Variants in EVA1C observed in about 807,000 individuals in gnomAD.
EVA1C encodes the protein eva-1 homolog C.
EVA1C carries 25 observed loss-of-function variants against 45.4 expected under a neutral mutation model. That is an observed-to-expected ratio of 0.55 (90% CI 0.40 to 0.77). EVA1C has a LOEUF of 0.77. Ranked by LOEUF, EVA1C falls within the 30% of genes least tolerant of loss-of-function variation. The probability of loss-of-function intolerance (pLI) is 0.00; values close to 1 mark genes in which losing one functional copy is unlikely to be tolerated. For missense variants in EVA1C, 479 were observed against 554.8 expected (o/e 0.86, Z 1.37); for synonymous variants, 190 against 221.2 (o/e 0.86, Z 1.25).
At chr21:32,463,888 A>C (rs192363067) in intron 3 of EVA1C, among the ~76,000 whole-genome samples, 2 of 152,026 alleles carry the variant, frequency 1.3e-5, no homozygotes, top group Non-Finnish European at 2.9e-5. Flanking sequence ...CAGCTCTGCC[A>C]TGGGAAGGCA....
chr21:32,479,683 G>T (rs2146345520), intron 4 of EVA1C, among the ~76,000 whole-genome samples: 2 of 152,164 alleles, frequency 1.3e-5, no homozygotes, highest in South Asian at 4.2e-4. Context: ...CAGTGCAGTG[G>T]TTCTTTCCTG....
intron 1 of EVA1C, among the ~76,000 whole-genome samples, chr21:32,415,446 A>C (rs1177299887): frequency 6.6e-6 from 1 of 152,176 alleles, no homozygotes; most frequent in Non-Finnish European, 1.5e-5. Flanking sequence ...TTGTCTGTAC[A>C]ATATAGGCCC....
rs181528846 is a variant in EVA1C, at chr21:32,476,408, G to A, written c.634+8560G>A. ...TGGAATCCCAGCACTTTGGGAGGCC[G>A]AGGCAGGTGGATCGCCTGAGGTCGG... On this transcript the variant is annotated intron_variant, in intron 4 of 7. Coordinates refer to ENST00000300255, the MANE Select transcript of EVA1C (RefSeq NM_058187.5). 9.9e-3 allele frequency among the ~76,000 whole-genome samples: 1,511 copies of A among 152,212 alleles called. 27 individuals carry two copies. Among genetic ancestry groups the A allele is most frequent in the African/African-American group, 0.035 (1,444 of 41,542 alleles).
Position 32,472,549 on chromosome 21 carries a change from T to G in EVA1C, c.634+4701T>G, listed in dbSNP as rs1396293948. Among the ~76,000 whole-genome samples, 3 of 151,792 alleles carry G rather than the reference T, an allele frequency of 2.0e-5. No homozygotes were observed. The East Asian group carries it at 5.8e-4, about 29-fold the overall frequency. ...TACTCTGGAGGTTGAGATGGGAAGA[T>G]CCCTTGAGGCCTGGAGTTTGAGGTT... On this transcript the variant is annotated intron_variant, in intron 4 of 7. Coordinates refer to ENST00000300255, the MANE Select transcript of EVA1C (RefSeq NM_058187.5).
intron 7 of EVA1C, among the ~76,000 whole-genome samples, chr21:32,506,942 G>A (rs2037743378): frequency 1.3e-5 from 2 of 152,186 alleles, no homozygotes; most frequent in South Asian, 4.1e-4. Flanking sequence ...GTGTGAGCAG[G>A]GCAGTTTCCA....
At chr21:32,511,480 C>A (rs1218161544) in intron 7 of EVA1C, among the ~76,000 whole-genome samples, 1 of 149,412 alleles carries the variant, frequency 6.7e-6, no homozygotes, top group Non-Finnish European at 1.5e-5. Context: ...ATATACACAT[C>A]CTTTATATGT....
chr21:32,475,341 A>G (rs2036514681), intron 4 of EVA1C, among the ~76,000 whole-genome samples: 1 of 94,982 alleles, frequency 1.1e-5, no homozygotes, highest in Non-Finnish European at 2.0e-5. Context: ...CTTCTAAAAT[A>G]TCATCATCAT....
chr21:32,507,624 G>A (rs117444832), intron 7 of EVA1C, among the ~76,000 whole-genome samples: 2,260 of 151,752 alleles, frequency 0.015, 23 homozygotes, highest in Middle Eastern at 0.031. Context: ...GTGTACATGC[G>A]TATCTGTGTG....
chr21:32,475,682 T>A (rs369422009), intron 4 of EVA1C, among the ~76,000 whole-genome samples: 96 of 152,250 alleles, frequency 6.3e-4, no homozygotes, highest in South Asian at 1.2e-3. Context: ...ACGTAACTGT[T>A]CCCTGGTGGC....
chr21:32,445,986 G>T (rs2035350548), intron 1 of EVA1C, among the ~76,000 whole-genome samples: 1 of 152,164 alleles, frequency 6.6e-6, no homozygotes, highest in Non-Finnish European at 1.5e-5. Context: ...GCTTACACCT[G>T]TAATCCCAGC....
chr21:32,417,317 G>A (rs1343216787), intron 1 of EVA1C, among the ~76,000 whole-genome samples: 1 of 152,242 alleles, frequency 6.6e-6, no homozygotes, highest in Non-Finnish European at 1.5e-5. Context: ...TCTTGGCAGA[G>A]TTGATTTCTT....
chr21:32,506,510 T>C (rs1469155724), intron 7 of EVA1C, among the ~76,000 whole-genome samples: 1 of 152,014 alleles, frequency 6.6e-6, no homozygotes, highest in East Asian at 1.9e-4. Flanking sequence ...AGTCTCTAAA[T>C]GCACTGTGTT....
chr21:32,450,496 ATTCC>A (rs1260110341), intron 1 of EVA1C, among the ~76,000 whole-genome samples: 3 of 58,790 alleles, frequency 5.1e-5, no homozygotes, highest in Non-Finnish European at 9.5e-5. Context: ...CTGCTTATTT[ATTCC>A]CCGGACCACA....
At chr21:32,508,781 G>A (rs780727932) in intron 7 of EVA1C, among the ~76,000 whole-genome samples, 11 of 152,306 alleles carry the variant, frequency 7.2e-5, no homozygotes, top group African/African-American at 2.4e-4. Context: ...ATCTGGACAC[G>A]AATGAGCTGG....
chr21:32,472,141 G>T (rs1298339447), intron 4 of EVA1C, among the ~76,000 whole-genome samples: 1 of 152,032 alleles, frequency 6.6e-6, no homozygotes, highest in Non-Finnish European at 1.5e-5. Context: ...ATGAAAGTTG[G>T]ATTTAATTAA....
At chr21:32,476,598 G>A (rs569805459) in intron 4 of EVA1C, among the ~76,000 whole-genome samples, 16 of 152,150 alleles carry the variant, frequency 1.1e-4, no homozygotes, top group African/African-American at 1.7e-4. Flanking sequence ...CCGAGATCGC[G>A]CCATTGCACT....
At chr21:32,472,057 G>T (rs953726322) in intron 4 of EVA1C, among the ~76,000 whole-genome samples, 25 of 152,194 alleles carry the variant, frequency 1.6e-4, no homozygotes, top group African/African-American at 5.8e-4. Context: ...AATTCAGTTG[G>T]CCAAGCAGGT....
intron 7 of EVA1C, among the ~76,000 whole-genome samples, chr21:32,510,921 T>A (rs1168396055): frequency 1.3e-5 from 2 of 152,162 alleles, no homozygotes; most frequent in African/African-American, 4.8e-5. Flanking sequence ...ATGCCTGTAG[T>A]CCCAGCTTCT....
intron 1 of EVA1C, among the ~76,000 whole-genome samples, chr21:32,421,232 C>T (rs913198498): frequency 6.6e-6 from 1 of 152,076 alleles, no homozygotes; most frequent in Non-Finnish European, 1.5e-5. Context: ...CCTATGGCTA[C>T]GTTGGAGTTG....
Sources: allele counts gnomAD v4.1 joint callset (sites outside exome capture counted in the v4.1 genomes callset), GRCh38; gene constraint gnomAD v4.1.1; transcripts MANE v1.5; gene names NCBI Gene and HGNC (gene_info 2026-07-23, HGNC 2026-07-21).